Variants in ANKRD6 observed in about 807,000 individuals in gnomAD.
ANKRD6 encodes the protein ankyrin repeat domain-containing protein 6.
ANKRD6 carries 56 observed loss-of-function variants against 82.3 expected under a neutral mutation model. That is an observed-to-expected ratio of 0.68 (90% confidence interval 0.55 to 0.85). ANKRD6 has a LOEUF of 0.85. Among genes scored for constraint, ANKRD6 ranks in the 40% least tolerant of loss-of-function variants. ANKRD6 has a pLI of 0.00. For missense variants in ANKRD6, 852 were observed against 907.6 expected, an observed-to-expected ratio of 0.94 and a Z score of 0.79; for synonymous variants, 347 against 352.1, an observed-to-expected ratio of 0.99 and a Z score of 0.16.
chr6:89,609,442 CA>C (rs1275046959), intron 5 of ANKRD6, among the ~76,000 whole-genome samples: 1 of 151,978 alleles, frequency 6.6e-6, no homozygotes, highest in Non-Finnish European at 1.5e-5. Flanking sequence ...GCTGGGATTA[CA>C]GGCACCTGCC....
chr6:89,599,737 C>T (rs185420311), intron 3 of ANKRD6, among the ~76,000 whole-genome samples: 27 of 152,168 alleles, frequency 1.8e-4, no homozygotes, highest in African/African-American at 6.0e-4. Context: ...TGTCTCTCAC[C>T]TCAGAGCCTT....
chr6:89,528,535 G>C (rs1488603361), intron 1 of ANKRD6, among the ~76,000 whole-genome samples: 1 of 152,138 alleles, frequency 6.6e-6, no homozygotes, highest in African/African-American at 2.4e-5. Context: ...ACTTCTCAAA[G>C]TAATCCATGA....
intron 1 of ANKRD6, among the ~76,000 whole-genome samples, chr6:89,472,520 T>C (rs1338157133): frequency 6.6e-6 from 1 of 152,216 alleles, no homozygotes; most frequent in Non-Finnish European, 1.5e-5. Flanking sequence ...CTGACTACAC[T>C]TATGATTTCT....
In ANKRD6 at chr6:89,622,036, A is replaced by C; in HGVS notation, c.897+10A>C. ...GGTGGCCCAAAGCAAGGTGGGGGGC[A>C]GTCCTCCCGCCGTCCCCACATCCAC... On this transcript the variant is annotated intron_variant, in intron 10 of 15. Coordinates refer to ENST00000339746, the MANE Select transcript of ANKRD6 (RefSeq NM_001242809.2). 1 of 1,609,668 alleles carries C rather than the reference A, an allele frequency of 6.2e-7. No homozygotes were observed. The highest frequency in any genetic ancestry group is 8.5e-7 in the Non-Finnish European group (1 of 1,177,960).
chr6:89,445,688 C>T (rs1771985356), intron 1 of ANKRD6, among the ~76,000 whole-genome samples: 1 of 152,140 alleles, frequency 6.6e-6, no homozygotes, highest in African/African-American at 2.4e-5. Flanking sequence ...TTGTGATCTG[C>T]CCGCCTCGGC....
At chr6:89,506,158 A>T (rs1216081008) in intron 1 of ANKRD6, among the ~76,000 whole-genome samples, 2 of 152,184 alleles carry the variant, frequency 1.3e-5, no homozygotes, top group Non-Finnish European at 2.9e-5. Flanking sequence ...GACTATAGTT[A>T]GTGTATTATG....
At chr6:89,527,567 C>T (rs1782639350) in intron 1 of ANKRD6, among the ~76,000 whole-genome samples, 1 of 114,662 alleles carries the variant, frequency 8.7e-6, no homozygotes, top group African/African-American at 3.4e-5. Flanking sequence ...GTCCTCCAGC[C>T]TAGGTAACTG....
chr6:89,578,554 C>G (rs938217857), intron 2 of ANKRD6, among the ~76,000 whole-genome samples: 1 of 152,126 alleles, frequency 6.6e-6, no homozygotes, highest in Non-Finnish European at 1.5e-5. Context: ...CCTTGGCCTC[C>G]CAAAGTGCTG....
intron 1 of ANKRD6, among the ~76,000 whole-genome samples, chr6:89,541,635 G>GCCT (rs1784462773): frequency 2.0e-5 from 3 of 151,560 alleles, no homozygotes; most frequent in Non-Finnish European, 2.9e-5. Flanking sequence ...CTTGTGATCC[G>GCCT]CCTGCCTCGG....
At chr6:89,605,273 T>G (rs1460407403) in intron 4 of ANKRD6, among the ~76,000 whole-genome samples, 2 of 152,076 alleles carry the variant, frequency 1.3e-5, no homozygotes, top group African/African-American at 4.8e-5. Context: ...TTCCAGCTAC[T>G]TGGGAGGCTA....
chr6:89,625,737 C>CTTT (rs370616881), intron 13 of ANKRD6, among the ~76,000 whole-genome samples: 52 of 140,156 alleles, frequency 3.7e-4, no homozygotes, highest in African/African-American at 1.4e-3. Flanking sequence ...TTTGTTACAA[C>CTTT]TTTTTTTTTT....
At chr6:89,517,816 A>G (rs1295874249) in intron 1 of ANKRD6, among the ~76,000 whole-genome samples, 1 of 152,240 alleles carries the variant, frequency 6.6e-6, no homozygotes, top group East Asian at 1.9e-4. Context: ...GGGGGGGACT[A>G]TGATATGTAA....
intron 1 of ANKRD6, among the ~76,000 whole-genome samples, chr6:89,447,147 G>A (rs1166422134): frequency 6.6e-6 from 1 of 152,080 alleles, no homozygotes; most frequent in East Asian, 1.9e-4. Flanking sequence ...CTAGCTATTC[G>A]GGAAGGCTGA....
Position 89,623,490 on chromosome 6 carries a change from A to G in ANKRD6, c.978A>G (p.Ser326=). 1 of 1,598,896 alleles carries G rather than the reference A, an allele frequency of 6.3e-7. No homozygotes were observed. The highest frequency in any genetic ancestry group is 1.1e-5 in the South Asian group (1 of 88,654). ...RKEEAREEFL[S]ASPEPRAKDD... ...AAGAAGCCAGAGAAGAGTTCCTGTC[A>G]GCCTCCCCAGAACCCAGAGCAAAGG... Residue 326 remains serine (S), a synonymous_variant, in exon 11 of 16, where the codon TCA becomes TCG. Coordinates refer to ENST00000339746, the MANE Select transcript of ANKRD6 (RefSeq NM_001242809.2).
chr6:89,627,741 C>T, intron 14 of ANKRD6, 45 bp downstream of exon 14: 1 of 1,575,956 alleles, frequency 6.3e-7, no homozygotes, highest in Non-Finnish European at 8.7e-7. Context: ...ATTTACCACA[C>T]AGGCCCACTG....
intron 1 of ANKRD6, among the ~76,000 whole-genome samples, chr6:89,491,303 G>A (rs1242753808): frequency 2.6e-5 from 4 of 152,168 alleles, no homozygotes; most frequent in African/African-American, 9.7e-5. Flanking sequence ...TTCAGGACAC[G>A]TGACCCCAAA....
chr6:89,469,873 T>C (rs1775250383), intron 1 of ANKRD6, among the ~76,000 whole-genome samples: 1 of 152,164 alleles, frequency 6.6e-6, no homozygotes, highest in Admixed American at 6.5e-5. Flanking sequence ...CTCGTCAATA[T>C]TCTCATCTCT....
chr6:89,441,823 G>C (rs1405853337), intron 1 of ANKRD6, among the ~76,000 whole-genome samples: 1 of 150,718 alleles, frequency 6.6e-6, no homozygotes, highest in Non-Finnish European at 1.5e-5. Flanking sequence ...GTAGAGATGG[G>C]GTTTCACCAT....
intron 1 of ANKRD6, among the ~76,000 whole-genome samples, chr6:89,452,816 A>G (rs559888509): frequency 6.6e-6 from 1 of 152,308 alleles, no homozygotes; most frequent in South Asian, 2.1e-4. Context: ...TAAAGAGAGG[A>G]GTGTAAACCT....
Sources: allele counts gnomAD v4.1 joint callset (sites outside exome capture counted in the v4.1 genomes callset), GRCh38; gene constraint gnomAD v4.1.1; transcripts MANE v1.5; gene names NCBI Gene and HGNC (gene_info 2026-07-23, HGNC 2026-07-21).